The following CYP19A1 variants were observed in gnomAD, a reference collection of about 807,000 sequenced individuals.
The protein encoded by CYP19A1 is aromatase.
CYP19A1 carries 32 observed loss-of-function variants against 44.4 expected under a neutral mutation model. The ratio of observed to expected loss-of-function variants is 0.72; its 90% confidence interval spans 0.54 to 0.97. The LOEUF is 0.97. Ranked by LOEUF, CYP19A1 falls within the 50% of genes least tolerant of loss-of-function variation. The pLI is 0.00. For missense variants in CYP19A1, 598 were observed against 637.8 expected (o/e 0.94, Z 0.67); for synonymous variants, 212 against 215.6 (o/e 0.98, Z 0.14).
intron 5 of CYP19A1, among the ~76,000 whole-genome samples, chr15:51,220,495 T>C (rs1406449877): frequency 6.6e-6 from 1 of 152,226 alleles, no homozygotes; most frequent in African/African-American, 2.4e-5. Flanking sequence ...GATGAATGAA[T>C]GTATGAATCA....
intron 1 of CYP19A1, among the ~76,000 whole-genome samples, chr15:51,274,463 A>G (rs1477463391): frequency 6.6e-6 from 1 of 152,180 alleles, no homozygotes; most frequent in Non-Finnish European, 1.5e-5. Context: ...CTGAGGATGA[A>G]CTGAAGTGTA....
intron 1 of CYP19A1, among the ~76,000 whole-genome samples, chr15:51,293,027 G>A (rs528772516): frequency 6.6e-6 from 1 of 152,086 alleles, no homozygotes; most frequent in East Asian, 1.9e-4. Flanking sequence ...GCAGGGGGAA[G>A]GACCAACACA....
intron 1 of CYP19A1, among the ~76,000 whole-genome samples, chr15:51,275,550 G>T (rs953636553): frequency 6.6e-6 from 1 of 152,190 alleles, no homozygotes; most frequent in African/African-American, 2.4e-5. Flanking sequence ...CTGGCAAACT[G>T]CTGGATCTGG....
chr15:51,232,095 A>G (rs2414095), intron 3 of CYP19A1, among the ~76,000 whole-genome samples: 104,937 of 152,030 alleles, frequency 0.69, 36,510 homozygotes, highest in African/African-American at 0.79. Context: ...TCCTTTGCCC[A>G]CACATCTCAC....
At chr15:51,255,990 C>T (rs1228740686) in intron 1 of CYP19A1, among the ~76,000 whole-genome samples, 1 of 152,174 alleles carries the variant, frequency 6.6e-6, no homozygotes, top group Non-Finnish European at 1.5e-5. Context: ...AGTATCATTG[C>T]CCAATTTTAT....
intron 2 of CYP19A1, among the ~76,000 whole-genome samples, chr15:51,238,944 G>A (rs1056916042): frequency 3.9e-4 from 59 of 152,170 alleles, no homozygotes; most frequent in Non-Finnish European, 8.5e-4. Context: ...GGCAAGAGAG[G>A]AGAGTATGTG....
intron 3 of CYP19A1, among the ~76,000 whole-genome samples, chr15:51,229,417 G>C (rs991933171): frequency 8.8e-5 from 13 of 147,872 alleles, no homozygotes; most frequent in Admixed American, 2.0e-4. Flanking sequence ...CAGAGTTATT[G>C]TATAAATAAC....
At chr15:51,327,023 C>T (rs1349337769) in intron 1 of CYP19A1, among the ~76,000 whole-genome samples, 1 of 129,776 alleles carries the variant, frequency 7.7e-6, no homozygotes, top group African/African-American at 3.3e-5. Flanking sequence ...TCCCTACTCC[C>T]ACTACATTTC....
intron 1 of CYP19A1, among the ~76,000 whole-genome samples, chr15:51,269,697 T>A (rs947102715): frequency 6.6e-6 from 1 of 152,176 alleles, no homozygotes; most frequent in Admixed American, 6.5e-5. Context: ...TGGTAGCCCA[T>A]TCCAGCCAAG....
intron 1 of CYP19A1, among the ~76,000 whole-genome samples, chr15:51,307,383 A>G (rs953817418): frequency 6.6e-6 from 1 of 152,174 alleles, no homozygotes; most frequent in African/African-American, 2.4e-5. Context: ...TGCTTCTTTG[A>G]GGGGGGACAA....
At chr15:51,324,436 C>A (rs971772616) in intron 1 of CYP19A1, among the ~76,000 whole-genome samples, 14 of 152,276 alleles carry the variant, frequency 9.2e-5, no homozygotes, top group African/African-American at 3.4e-4. Flanking sequence ...GCTACCAGAA[C>A]ATTGTAAAGA....
intron 1 of CYP19A1, chr15:51,293,473 C>G (rs1046926027): frequency 3.3e-5 from 5 of 152,272 alleles, no homozygotes; most frequent in African/African-American, 1.2e-4. Context: ...AAATCAGACA[C>G]TGTTGCCATT....
At chr15:51,282,127 G>A (rs139587833) in intron 1 of CYP19A1, among the ~76,000 whole-genome samples, 3 of 152,274 alleles carry the variant, frequency 2.0e-5, no homozygotes, top group African/African-American at 7.2e-5. Flanking sequence ...TGGAGTAAAG[G>A]AGCAGCAGAC....
intron 1 of CYP19A1, among the ~76,000 whole-genome samples, chr15:51,303,241 T>A (rs1363891783): frequency 2.6e-5 from 4 of 152,186 alleles, no homozygotes; most frequent in Non-Finnish European, 5.9e-5. Flanking sequence ...CCCAGTGACC[T>A]GCACTCTGAT....
chr15:51,267,179 C>G (rs2034950676), intron 1 of CYP19A1, among the ~76,000 whole-genome samples: 1 of 152,162 alleles, frequency 6.6e-6, no homozygotes, highest in Admixed American at 6.5e-5. Context: ...TGGACGCTTT[C>G]AGGAGCAAAA....
At chr15:51,319,429 A>G (rs1295879312) in intron 1 of CYP19A1, among the ~76,000 whole-genome samples, 1 of 152,252 alleles carries the variant, frequency 6.6e-6, no homozygotes, top group East Asian at 1.9e-4. Flanking sequence ...CCTGTTAGAT[A>G]CAGATGCACA....
Position 51,210,098 on chromosome 15 carries a change from T to C in CYP19A1, c.*710A>G. On this transcript the variant is annotated 3_prime_UTR_variant, in exon 10 of 10. Coordinates refer to ENST00000396402, the MANE Select transcript of CYP19A1 (RefSeq NM_000103.4). ...TAGTTTGTATTACTTGATGATTATA[T>C]ATAGTTTGTATTACCTGAATCTACA... is the stretch of plus-strand genomic sequence containing the variant. The C allele has an allele frequency of 9.6e-6, 3 of 313,732 alleles. No homozygotes were observed. The highest frequency in any genetic ancestry group is 8.2e-5 in the South Asian group (3 of 36,630). The allele number at this position is 313,732 out of a possible 1,614,324, so 19.4% of individuals were successfully genotyped here.
intron 1 of CYP19A1, among the ~76,000 whole-genome samples, chr15:51,248,287 T>C (rs1439905708): frequency 6.6e-6 from 1 of 152,190 alleles, no homozygotes; most frequent in Non-Finnish European, 1.5e-5. Flanking sequence ...CTCCAGCCCA[T>C]TTGCCGCCAT....
rs1595661123 is a variant in CYP19A1 at position 51,209,680 on chromosome 15, G to T, written c.*1128C>A. On this transcript the variant is annotated 3_prime_UTR_variant, in exon 10 of 10. Transcript: ENST00000396402. ...AACTAGATAATGTTAAATCTCTCAG[G>T]TAACTGTTAAATTTTGAGGTAGGAT... 6.6e-6 allele frequency: 1 copy of T among 152,562 alleles called. No individual in the cohort carries two copies. Among genetic ancestry groups the T allele is most frequent in the Admixed American group, 6.6e-5 (1 of 15,260 alleles). The allele number at this position is 152,562 out of a possible 1,614,324, so 9.5% of individuals were successfully genotyped here.
Sources: allele counts gnomAD v4.1 joint callset (sites outside exome capture counted in the v4.1 genomes callset), GRCh38; gene constraint gnomAD v4.1.1; transcripts MANE v1.5; gene names NCBI Gene and HGNC (gene_info 2026-07-23, HGNC 2026-07-21).